The following IL1RAPL1 variants were observed in gnomAD, a reference collection of about 807,000 sequenced individuals.
The protein encoded by IL1RAPL1 is interleukin 1 receptor accessory protein like 1.
IL1RAPL1 carries 3 observed loss-of-function variants against 48.4 expected under a neutral mutation model. The ratio of observed to expected loss-of-function variants is 0.06; its 90% CI spans 0.03 to 0.16. The LOEUF is 0.16. Among genes scored for constraint, IL1RAPL1 ranks in the 10% least tolerant of loss-of-function variants. The pLI is 1.00. For missense variants in IL1RAPL1, 349 were observed against 530.6 expected, an observed-to-expected ratio of 0.66 and a Z score of 3.36; for synonymous variants, 185 against 187.7, an observed-to-expected ratio of 0.99 and a Z score of 0.12.
intron 1 of IL1RAPL1, among the ~76,000 whole-genome samples, chrX:28,777,250 C>G (rs1349762001): frequency 9.0e-6 from 1 of 110,954 alleles, no homozygotes; most frequent in African/African-American, 3.3e-5. Flanking sequence ...GGCCTTCTCT[C>G]TAACTTTGAC....
At chrX:29,321,846 C>T (rs942171550) in intron 3 of IL1RAPL1, among the ~76,000 whole-genome samples, 1 of 111,474 alleles carries the variant, frequency 9.0e-6, no homozygotes, top group Non-Finnish European at 1.9e-5. Context: ...ACAGAAAGAA[C>T]AAATATGAGC....
rs16988614 is a variant in IL1RAPL1, at chrX:29,514,974, C to T, written c.703+115666C>T. Reference sequence around the variant, plus strand: ...TTGCATTATTTATGCAAATGCCATGCCAGTGTAGTGGAAGGTGTCACCTCA... The same window carrying T: ...TTGCATTATTTATGCAAATGCCATGTCAGTGTAGTGGAAGGTGTCACCTCA... On this transcript the variant is annotated intron_variant, in intron 5 of 10. Coordinates refer to ENST00000378993, the MANE Select transcript of IL1RAPL1 (RefSeq NM_014271.4). 7.3e-3 allele frequency among the ~76,000 whole-genome samples: 823 copies of T among 112,036 alleles called. 3 individuals are homozygous for T. Among genetic ancestry groups the T allele is most frequent in the African/African-American group, 0.026 (788 of 30,879 alleles).
Position 29,790,633 on chromosome X carries a change from A to G in IL1RAPL1, c.778+122129A>G, listed in dbSNP as rs182036598. Among the ~76,000 whole-genome samples, 4 of 111,811 alleles carry G rather than the reference A, an allele frequency of 3.6e-5. No homozygotes were observed. The East Asian group carries it at 8.5e-4, about 24-fold the overall frequency. On this transcript the variant is annotated intron_variant, in intron 6 of 10. Coordinates refer to ENST00000378993, the MANE Select transcript of IL1RAPL1 (RefSeq NM_014271.4). The stretch of plus-strand genomic sequence containing the variant: ...ATATTGAACATTTTTAAAGCCAACA[A>G]CCTTGGTGCTATCCTTGGTTTTTCC...
At chrX:29,157,715 C>T (rs1260396073) in intron 2 of IL1RAPL1, among the ~76,000 whole-genome samples, 1 of 90,636 alleles carries the variant, frequency 1.1e-5, no homozygotes, top group East Asian at 3.6e-4. Flanking sequence ...TACTCAGCCT[C>T]AGATTCATTT....
At chrX:29,510,973 A>G (rs1156484867) in intron 5 of IL1RAPL1, among the ~76,000 whole-genome samples, 2 of 111,920 alleles carry the variant, frequency 1.8e-5, no homozygotes, top group East Asian at 5.6e-4. Context: ...AGAAGCTTGA[A>G]GACAACAGGC....
At chrX:28,750,258 C>T (rs942777952) in intron 1 of IL1RAPL1, among the ~76,000 whole-genome samples, 6 of 111,618 alleles carry the variant, frequency 5.4e-5, no homozygotes, top group South Asian at 3.7e-4. Context: ...GGCAGTATAA[C>T]TATTATTTTT....
At chrX:29,836,657 G>A (rs937535471) in intron 6 of IL1RAPL1, among the ~76,000 whole-genome samples, 1 of 111,683 alleles carries the variant, frequency 9.0e-6, no homozygotes, top group Non-Finnish European at 1.9e-5. Flanking sequence ...GGTCATAAAC[G>A]ATACTTCATT....
At chrX:29,533,877 C>A (rs780396535) in intron 5 of IL1RAPL1, among the ~76,000 whole-genome samples, 1 of 112,069 alleles carries the variant, frequency 8.9e-6, no homozygotes, top group African/African-American at 3.2e-5. Context: ...CCACAAAGTT[C>A]ATGTTTTGGA....
At chrX:29,939,523 GA>G (rs1275246322) in intron 8 of IL1RAPL1, among the ~76,000 whole-genome samples, 1 of 111,692 alleles carries the variant, frequency 9.0e-6, no homozygotes. Context: ...ATAATAGGGG[GA>G]AAACATTATA....
intron 2 of IL1RAPL1, among the ~76,000 whole-genome samples, chrX:28,907,535 G>A (rs758047819): frequency 8.9e-6 from 1 of 112,866 alleles, no homozygotes; most frequent in South Asian, 3.6e-4. Flanking sequence ...GATTACAGGC[G>A]CAAGCCACTG....
At chrX:28,664,758 A>G (rs994863898) in intron 1 of IL1RAPL1, among the ~76,000 whole-genome samples, 15 of 111,729 alleles carry the variant, frequency 1.3e-4, no homozygotes, top group African/African-American at 4.6e-4. Flanking sequence ...TGGAATCAGG[A>G]AGACTAAATG....
intron 2 of IL1RAPL1, among the ~76,000 whole-genome samples, chrX:29,148,814 T>C (rs1039207694): frequency 3.6e-5 from 4 of 111,556 alleles, no homozygotes; most frequent in African/African-American, 1.3e-4. Flanking sequence ...TTCGGGATGG[T>C]TATATTTATA....
chrX:28,672,132 T>C (rs1934952539), intron 1 of IL1RAPL1, among the ~76,000 whole-genome samples: 1 of 112,179 alleles, frequency 8.9e-6, no homozygotes, highest in Admixed American at 9.5e-5. Flanking sequence ...TAAATGTTCA[T>C]GATACTGAAT....
At chrX:28,995,300 A>T (rs1667369436) in intron 2 of IL1RAPL1, among the ~76,000 whole-genome samples, 1 of 111,537 alleles carries the variant, frequency 9.0e-6, no homozygotes, top group African/African-American at 3.2e-5. Context: ...TCTCATCTTC[A>T]CTAATCTCTT....
intron 5 of IL1RAPL1, among the ~76,000 whole-genome samples, chrX:29,652,716 A>C: frequency 8.9e-6 from 1 of 111,917 alleles, no homozygotes; most frequent in East Asian, 2.8e-4. Context: ...AGATGAGCAA[A>C]GCCACATGCT....
chrX:29,017,856 A>G (rs1926276579), intron 2 of IL1RAPL1, among the ~76,000 whole-genome samples: 1 of 111,622 alleles, frequency 9.0e-6, no homozygotes, highest in African/African-American at 3.3e-5. Context: ...TAGTTGATAT[A>G]CATTTAAAAT....
At chrX:29,803,408 T>C (rs1930145148) in intron 6 of IL1RAPL1, among the ~76,000 whole-genome samples, 1 of 89,068 alleles carries the variant, frequency 1.1e-5, no homozygotes, top group Non-Finnish European at 2.1e-5. Flanking sequence ...TATATATGTG[T>C]ATATGTGTAT....
At chrX:29,425,040 T>A (rs756100705) in intron 5 of IL1RAPL1, among the ~76,000 whole-genome samples, 10 of 111,716 alleles carry the variant, frequency 9.0e-5, no homozygotes, top group African/African-American at 2.6e-4. Context: ...TAGTAAGAAG[T>A]ACAACAGGGA....
At chrX:29,608,828 AAAAAT>A (rs778623891) in intron 5 of IL1RAPL1, among the ~76,000 whole-genome samples, 10 of 110,747 alleles carry the variant, frequency 9.0e-5, no homozygotes, top group South Asian at 4.0e-4. Flanking sequence ...TCCGTCTCAA[AAAAAT>A]AAAATAAAAT....
Sources: allele counts gnomAD v4.1 joint callset (sites outside exome capture counted in the v4.1 genomes callset), GRCh38; gene constraint gnomAD v4.1.1; transcripts MANE v1.5; gene names NCBI Gene and HGNC (gene_info 2026-07-23, HGNC 2026-07-21).